The following HLCS variants were observed in gnomAD, a reference collection of about 807,000 sequenced individuals.
HLCS encodes the protein biotin--protein ligase.
HLCS carries 53 observed loss-of-function variants against 75.0 expected under a neutral mutation model. That is an observed-to-expected ratio of 0.71 (90% CI 0.57 to 0.89). The LOEUF (loss-of-function observed/expected upper bound fraction) is 0.89. HLCS is among the 40% of genes least tolerant of loss of function. The pLI, the probability that HLCS is intolerant of heterozygous loss-of-function variation, is 0.00. For missense variants in HLCS, 966 were observed against 1,074.0 expected (o/e 0.90, Z 1.41); for synonymous variants, 431 against 428.6 (o/e 1.01, Z -0.07).
chr21:36,914,074 G>T (rs2065829458), intron 5 of HLCS, among the ~76,000 whole-genome samples: 1 of 152,170 alleles, frequency 6.6e-6, no homozygotes, highest in Non-Finnish European at 1.5e-5. Flanking sequence ...TTAATACCTT[G>T]ACCTCTCTCA....
At position 36,848,274 on chromosome 21, in the gene HLCS, T is replaced by G. The variant is rs74981808; in HGVS notation, c.1892+48586A>C. Among the ~76,000 whole-genome samples, 27 of 150,886 alleles carry G rather than the reference T, an allele frequency of 1.8e-4. No homozygotes were observed. In the East Asian group the frequency reaches 4.6e-3, roughly 26 times the overall value. On this transcript the variant is annotated intron_variant, in intron 6 of 10. Coordinates refer to ENST00000674895, the MANE Select transcript of HLCS (RefSeq NM_001352514.2). ...TAACTTTGCCCACATAATTGTTGTT[T>G]TTTTTTTTTTTTTGAAACAGAGTCT...
intron 6 of HLCS, among the ~76,000 whole-genome samples, chr21:36,794,541 G>C (rs980924250): frequency 6.6e-6 from 1 of 152,186 alleles, no homozygotes; most frequent in Non-Finnish European, 1.5e-5. Context: ...TATGGGGTTG[G>C]GGGGAATAGG....
At chr21:36,923,344 G>A (rs902005433) in intron 5 of HLCS, among the ~76,000 whole-genome samples, 1 of 152,106 alleles carries the variant, frequency 6.6e-6, no homozygotes, top group Non-Finnish European at 1.5e-5. Context: ...TTCCAAAAGA[G>A]GCCGTTTCCC....
chr21:36,845,719 T>C (rs1054706989), intron 6 of HLCS, among the ~76,000 whole-genome samples: 7 of 152,154 alleles, frequency 4.6e-5, no homozygotes, highest in African/African-American at 1.7e-4. Flanking sequence ...AGGTCATTTC[T>C]CTTAAAGCTG....
Position 36,804,579 on chromosome 21 carries a change from C to T in HLCS, c.1893-37294G>A, listed in dbSNP as rs543317927. ...CCCCAGGCAAACACCTGGAGTGTCT[C>T]ATGACTAAGCAAGATGTCCTATGGA... On this transcript the variant is annotated intron_variant, in intron 6 of 10. Coordinates refer to ENST00000674895, the MANE Select transcript of HLCS (RefSeq NM_001352514.2). 4.6e-5 allele frequency among the ~76,000 whole-genome samples: 7 copies of T among 152,270 alleles called. No individual in the cohort carries two copies. In the South Asian group the frequency reaches 1.5e-3, roughly 32 times the overall value.
At chr21:36,915,383 T>C (rs1268813960) in intron 5 of HLCS, among the ~76,000 whole-genome samples, 3 of 152,222 alleles carry the variant, frequency 2.0e-5, no homozygotes, top group Admixed American at 1.3e-4. Flanking sequence ...AGCGGCCCCA[T>C]ATCAAGAGGC....
intron 2 of HLCS, among the ~76,000 whole-genome samples, chr21:36,952,603 C>T (rs938835764): frequency 2.0e-5 from 3 of 151,942 alleles, no homozygotes; most frequent in Non-Finnish European, 2.9e-5. Context: ...ACCATCCTGG[C>T]CAACATGGTG....
chr21:36,792,412 GCT>G (rs947240991), intron 6 of HLCS, among the ~76,000 whole-genome samples: 40 of 143,996 alleles, frequency 2.8e-4, no homozygotes, highest in Admixed American at 1.7e-3. Flanking sequence ...TGCAAAAATG[GCT>G]CTTTCCTTCG....
intron 2 of HLCS, chr21:36,946,200 G>C: frequency 2.1e-6 from 1 of 485,474 alleles, no homozygotes; most frequent in Non-Finnish European, 2.7e-6. Context: ...CATTACAACA[G>C]TTTGTGGCCC....
intron 6 of HLCS, among the ~76,000 whole-genome samples, chr21:36,769,463 C>T (rs1253370357): frequency 6.6e-6 from 1 of 152,182 alleles, no homozygotes; most frequent in East Asian, 1.9e-4. Flanking sequence ...CATTTCCATC[C>T]TTAGCGGATG....
chr21:36,895,510 C>T (rs1018168870), intron 6 of HLCS, among the ~76,000 whole-genome samples: 1 of 152,132 alleles, frequency 6.6e-6, no homozygotes, highest in Admixed American at 6.5e-5. Flanking sequence ...TACTAATGAA[C>T]ACGGCTCACA....
chr21:36,765,638 CTTTA>C (rs1416988489), intron 7 of HLCS, among the ~76,000 whole-genome samples: 3 of 151,954 alleles, frequency 2.0e-5, no homozygotes, highest in Non-Finnish European at 4.4e-5. Context: ...GAACTGTGTA[CTTTA>C]TTTATTTTTA....
chr21:36,759,628 T>G, intron 9 of HLCS, 99 bp downstream of exon 9: 1 of 760,072 alleles, frequency 1.3e-6, no homozygotes, highest in South Asian at 1.4e-5. Flanking sequence ...TAACCTCATA[T>G]GATAATCTGC....
At chr21:36,798,404 A>G (rs1038365882) in intron 6 of HLCS, among the ~76,000 whole-genome samples, 2 of 152,250 alleles carry the variant, frequency 1.3e-5, no homozygotes, top group African/African-American at 4.8e-5. Context: ...CGTTCACCAA[A>G]TGATGACTAT....
chr21:36,888,740 A>G (rs983794569), intron 6 of HLCS, among the ~76,000 whole-genome samples: 1 of 151,678 alleles, frequency 6.6e-6, no homozygotes, highest in Admixed American at 6.6e-5. Flanking sequence ...TAGTGTTCCA[A>G]CGCCCCTGAT....
chr21:36,934,064 G>C (rs1055030531), intron 4 of HLCS, among the ~76,000 whole-genome samples: 14 of 152,128 alleles, frequency 9.2e-5, no homozygotes, highest in Non-Finnish European at 1.9e-4. Context: ...CTCCCAATTA[G>C]CAGGGAGAAA....
chr21:36,891,879 T>C (rs972642736), intron 6 of HLCS, among the ~76,000 whole-genome samples: 1 of 152,142 alleles, frequency 6.6e-6, no homozygotes, highest in Non-Finnish European at 1.5e-5. Context: ...CTTTACCACA[T>C]AGAGCCCAGA....
In HLCS at chr21:36,767,390, G is replaced by A. The variant is rs1174042894; in HGVS notation, c.1893-105C>T. The A allele has an allele frequency of 4.4e-6, 5 of 1,143,232 alleles. No homozygotes were observed. The East Asian group carries it at 1.2e-4, about 27-fold the overall frequency. The allele number at this position is 1,143,232 out of a possible 1,614,324, so 70.8% of individuals were successfully genotyped here. A position where few individuals can be genotyped will look rare whatever the true frequency, so the allele number is the denominator to read the frequency against. On this transcript the variant is annotated intron_variant, in intron 6 of 10. Coordinates refer to ENST00000674895, the MANE Select transcript of HLCS (RefSeq NM_001352514.2). Reference sequence around the variant, plus strand: ...GTTTGCATGCATCTGGGGGTGTGTGGCCATGGAAGGGCCAACTTTGGTTCC... The same window carrying A: ...GTTTGCATGCATCTGGGGGTGTGTGACCATGGAAGGGCCAACTTTGGTTCC...
At chr21:36,811,929 C>T (rs1157105341) in intron 6 of HLCS, among the ~76,000 whole-genome samples, 5 of 152,106 alleles carry the variant, frequency 3.3e-5, no homozygotes, top group Admixed American at 6.5e-5. Flanking sequence ...CTCTGGGTCT[C>T]GGCTTCTTAA....
Sources: allele counts gnomAD v4.1 joint callset (sites outside exome capture counted in the v4.1 genomes callset), GRCh38; gene constraint gnomAD v4.1.1; transcripts MANE v1.5; gene names NCBI Gene and HGNC (gene_info 2026-07-23, HGNC 2026-07-21).